Variants in CUX1 observed in about 807,000 individuals in gnomAD.
The protein encoded by CUX1 is cut like homeobox 1, also known as protein CASP.
CUX1 carries 31 observed loss-of-function variants against 158.8 expected under a neutral mutation model. The ratio of observed to expected loss-of-function variants is 0.20; its 90% CI spans 0.15 to 0.26. CUX1 has a LOEUF of 0.26. Among genes scored for constraint, CUX1 ranks in the 10% least tolerant of loss-of-function variants. CUX1 has a pLI of 1.00. For missense variants in CUX1, 1,589 were observed against 2,014.6 expected (o/e 0.79, Z 4.04); for synonymous variants, 879 against 862.1 (o/e 1.02, Z -0.34).
chr7:101,995,497 A>C (rs1815732491), intron 2 of CUX1, among the ~76,000 whole-genome samples: 1 of 152,264 alleles, frequency 6.6e-6, no homozygotes, highest in South Asian at 2.1e-4. Context: ...AAATGTCTGC[A>C]AGGCAAGGGC....
intron 2 of CUX1, among the ~76,000 whole-genome samples, chr7:101,940,220 A>G (rs1722173460): frequency 6.7e-6 from 1 of 149,572 alleles, no homozygotes; most frequent in African/African-American, 2.4e-5. Flanking sequence ...AGCCTGGGTG[A>G]CGGAGGGAGA....
chr7:102,035,336 A>G (rs1049584014), intron 3 of CUX1, among the ~76,000 whole-genome samples: 1 of 152,144 alleles, frequency 6.6e-6, no homozygotes, highest in African/African-American at 2.4e-5. Context: ...ACCTGATGAT[A>G]AAATAGGCTT....
intron 22 of CUX1, among the ~76,000 whole-genome samples, chr7:102,238,517 T>A (rs2132483214): frequency 6.6e-6 from 1 of 152,346 alleles, no homozygotes; most frequent in East Asian, 1.9e-4. Context: ...TACAAACTAA[T>A]GATTAATGAT....
chr7:101,993,942 C>T (rs544908370), intron 2 of CUX1, among the ~76,000 whole-genome samples: 7 of 152,326 alleles, frequency 4.6e-5, no homozygotes, highest in Admixed American at 3.3e-4. Flanking sequence ...GCCCCAAACC[C>T]GTCCAGCTCT....
intron 1 of CUX1, among the ~76,000 whole-genome samples, chr7:101,823,110 G>A (rs183046794): frequency 1.2e-4 from 18 of 152,218 alleles, no homozygotes; most frequent in Admixed American, 5.9e-4. Context: ...GCCCAGGACC[G>A]TTGGCAGAAA....
Position 102,216,576 on chromosome 7 carries a change from ACACT to A in CUX1, c.3131-10789_3131-10786del, listed in dbSNP as rs1196930229. Among the ~76,000 whole-genome samples the A allele has an allele frequency of 9.3e-3, 376 of 40,470 alleles. 6 individuals carry two copies. The highest frequency in any genetic ancestry group is 0.022 in the African/African-American group (355 of 16,354). 26.5% of individuals were successfully genotyped at this position (40,470 alleles called of 152,430 possible). A position where few individuals can be genotyped will look rare whatever the true frequency, so the allele number is the denominator to read the frequency against. ...CACACGCACACACACTCCCACACACACACTCTCCCACACACACACTCCCACACAC... is the reference window on the plus strand; with the variant it reads ...CACACGCACACACACTCCCACACACACTCCCACACACACACTCCCACACAC... On this transcript the variant is annotated intron_variant, in intron 20 of 23. Coordinates refer to ENST00000292535, the MANE Select transcript of CUX1 (RefSeq NM_181552.4).
intron 12 of CUX1, among the ~76,000 whole-genome samples, chr7:102,190,128 A>C (rs1214028696): frequency 1.3e-5 from 2 of 152,222 alleles, no homozygotes; most frequent in African/African-American, 4.8e-5. Context: ...GAATGTATGG[A>C]ATCAGGGGCA....
chr7:101,816,968 C>A, upstream of CUX1: 1 of 983,664 alleles, frequency 1.0e-6, no homozygotes, highest in Non-Finnish European at 1.2e-6. Flanking sequence ...GCCACCCGCG[C>A]ACCTCGCGGC....
intron 1 of CUX1, among the ~76,000 whole-genome samples, chr7:101,841,051 G>A (rs1400693458): frequency 1.3e-5 from 2 of 151,764 alleles, no homozygotes; most frequent in Non-Finnish European, 2.9e-5. Context: ...CCGCCACCAC[G>A]CCTGGCTAAT....
chr7:101,849,242 C>A (rs1032609561), intron 1 of CUX1, among the ~76,000 whole-genome samples: 7 of 151,524 alleles, frequency 4.6e-5, no homozygotes, highest in Non-Finnish European at 7.4e-5. Flanking sequence ...GTTTGTTGTA[C>A]AGATTACGTC....
intron 1 of CUX1, among the ~76,000 whole-genome samples, chr7:101,859,157 G>A (rs1797184475): frequency 6.6e-6 from 1 of 152,144 alleles, no homozygotes; most frequent in East Asian, 1.9e-4. Flanking sequence ...CATGAGAGCT[G>A]GGTTTGCAGT....
chr7:101,922,622 C>T (rs1345090602), intron 2 of CUX1, among the ~76,000 whole-genome samples: 1 of 152,172 alleles, frequency 6.6e-6, no homozygotes, highest in Non-Finnish European at 1.5e-5. Flanking sequence ...CCTCTACTCT[C>T]CTTCTCCTCC....
intron 8 of CUX1, among the ~76,000 whole-genome samples, chr7:102,156,197 C>T (rs1010770283): frequency 7.9e-4 from 120 of 152,290 alleles, no homozygotes; most frequent in African/African-American, 8.4e-4. Flanking sequence ...TTCCAACTCT[C>T]AGCGTCCAGG....
At chr7:102,130,062 C>A (rs964888727) in intron 8 of CUX1, among the ~76,000 whole-genome samples, 11 of 152,170 alleles carry the variant, frequency 7.2e-5, no homozygotes, top group Non-Finnish European at 1.6e-4. Flanking sequence ...GGCTTGTTTG[C>A]CCTTTCATTC....
rs147607765 is a variant in CUX1 at position 101,984,459 on chromosome 7, G to A, written c.142-43639G>A. On this transcript the variant is annotated intron_variant, in intron 2 of 23. Coordinates refer to ENST00000292535, the MANE Select transcript of CUX1 (RefSeq NM_181552.4). ...GTGTAAATATTCTCTTCCGTGCTTC[G>A]TAGATTTCATTTTTGAACGCTCAGA... Among the ~76,000 whole-genome samples the A allele has an allele frequency of 3.1e-3, 455 of 147,054 alleles. 2 individuals are homozygous for A. The highest frequency in any genetic ancestry group is 0.011 in the African/African-American group (426 of 39,444).
chr7:102,281,653 ACT>A (rs1792073313), intron 20 of CUX1, among the ~76,000 whole-genome samples: 1 of 149,678 alleles, frequency 6.7e-6, no homozygotes, highest in Non-Finnish European at 1.5e-5. Flanking sequence ...ACAGAGGGAG[ACT>A]CTGTCTCAAA....
intron 10 of CUX1, among the ~76,000 whole-genome samples, chr7:102,173,589 C>A (rs1554511033): frequency 6.6e-6 from 1 of 152,148 alleles, no homozygotes; most frequent in Non-Finnish European, 1.5e-5. Context: ...CTTCCCCTGG[C>A]CCCTGGGGTC....
intron 6 of CUX1, among the ~76,000 whole-genome samples, chr7:102,111,134 A>G (rs976148721): frequency 2.0e-5 from 3 of 152,050 alleles, no homozygotes; most frequent in Non-Finnish European, 4.4e-5. Flanking sequence ...AGAGGAAGGA[A>G]TGCTATTTAT....
At chr7:102,102,847 G>A (rs577619028) in intron 5 of CUX1, among the ~76,000 whole-genome samples, 34 of 152,136 alleles carry the variant, frequency 2.2e-4, no homozygotes, top group Admixed American at 9.2e-4. Flanking sequence ...TGGCATAGGC[G>A]TATCTGGAGG....
Sources: gnomAD v4.1 joint callset for allele counts (sites outside exome capture counted in the v4.1 genomes callset) on GRCh38, gnomAD v4.1.1 for gene constraint, MANE v1.5 for transcripts, NCBI Gene and HGNC (gene_info 2026-07-23, HGNC 2026-07-21) for gene names.